Variants in MEF2A observed in about 807,000 individuals in gnomAD.
MEF2A encodes myocyte enhancer factor 2A, also known as myocyte-specific enhancer factor 2A.
Under a neutral mutation model 55.8 loss-of-function variants are expected in MEF2A, and 28 were observed. The ratio of observed to expected loss-of-function variants is 0.50; its 90% confidence interval spans 0.37 to 0.69. The LOEUF (loss-of-function observed/expected upper bound fraction) is 0.69, where lower values mean the gene tolerates loss of function less well. Ranked by LOEUF, MEF2A falls within the 30% of genes least tolerant of loss-of-function variation. The pLI, the probability that MEF2A is intolerant of heterozygous loss-of-function variation, is 0.00. For synonymous variants in MEF2A, 239 were observed against 227.1 expected (o/e 1.05, Z -0.47); for missense variants, 528 against 626.2 (o/e 0.84, Z 1.67).
At chr15:99,631,375 G>T (rs912664246) in intron 2 of MEF2A, among the ~76,000 whole-genome samples, 7 of 152,104 alleles carry the variant, frequency 4.6e-5, no homozygotes, top group African/African-American at 1.7e-4. Flanking sequence ...TGGGCCCCAC[G>T]AGTGACTAGC....
chr15:99,573,931 A>G (rs1229889027), intron 1 of MEF2A, among the ~76,000 whole-genome samples: 1 of 152,208 alleles, frequency 6.6e-6, no homozygotes, highest in East Asian at 1.9e-4. Flanking sequence ...AACCTAATTG[A>G]TGGTATGGAT....
chr15:99,709,368 A>G (rs927832688), intron 10 of MEF2A, among the ~76,000 whole-genome samples: 9 of 152,344 alleles, frequency 5.9e-5, no homozygotes, highest in Admixed American at 2.6e-4. Context: ...GCCATGTCAG[A>G]TGTGTGGCGT....
chr15:99,703,522 A>C, intron 9 of MEF2A, 137 bp downstream of exon 9: 1 of 672,910 alleles, frequency 1.5e-6, no homozygotes, highest in Non-Finnish European at 2.4e-6. Flanking sequence ...TGAATAAAGC[A>C]ATCTACTGGT....
At chr15:99,601,549 T>A (rs947025188) in intron 2 of MEF2A, among the ~76,000 whole-genome samples, 1 of 151,012 alleles carries the variant, frequency 6.6e-6, no homozygotes, top group Non-Finnish European at 1.5e-5. Flanking sequence ...GAGTAGGTGT[T>A]GAATTTTGGC....
intron 10 of MEF2A, among the ~76,000 whole-genome samples, chr15:99,710,057 G>A (rs1010206121): frequency 1.3e-5 from 2 of 152,170 alleles, no homozygotes; most frequent in African/African-American, 4.8e-5. Flanking sequence ...CCAAAGGGTA[G>A]TGGCAGGCAT....
chr15:99,681,603 G>T (rs900059953), intron 7 of MEF2A, among the ~76,000 whole-genome samples: 2 of 152,186 alleles, frequency 1.3e-5, no homozygotes, highest in African/African-American at 4.8e-5. Context: ...GCCCACATGG[G>T]ATAGAGATGG....
chr15:99,709,240 G>A (rs936167970), intron 10 of MEF2A, among the ~76,000 whole-genome samples: 1 of 152,182 alleles, frequency 6.6e-6, no homozygotes, highest in Non-Finnish European at 1.5e-5. Context: ...TGTTGGGAGT[G>A]AGAGGGAAGG....
intron 4 of MEF2A, among the ~76,000 whole-genome samples, chr15:99,663,842 T>G (rs530440390): frequency 3.3e-4 from 51 of 152,328 alleles, no homozygotes; most frequent in Admixed American, 8.5e-4. Context: ...ACCTCTTCCC[T>G]TAATCCTTTC....
chr15:99,691,438 C>T (rs1173913453), intron 8 of MEF2A, among the ~76,000 whole-genome samples: 1 of 152,140 alleles, frequency 6.6e-6, no homozygotes, highest in Non-Finnish European at 1.5e-5. Context: ...TGGCTCACAC[C>T]TGTAATCCCA....
At chr15:99,643,442 A>G (rs1391176645) in intron 3 of MEF2A, among the ~76,000 whole-genome samples, 3 of 152,184 alleles carry the variant, frequency 2.0e-5, no homozygotes, top group Admixed American at 2.0e-4. Context: ...TACTCATGTC[A>G]TAAGTGATAG....
chr15:99,694,979 T>C (rs2056187667), intron 8 of MEF2A, among the ~76,000 whole-genome samples: 1 of 31,210 alleles, frequency 3.2e-5, no homozygotes, highest in African/African-American at 5.0e-5. Context: ...CTTATTTTTG[T>C]GGGTTTTTTT....
intron 3 of MEF2A, among the ~76,000 whole-genome samples, chr15:99,643,676 C>T (rs918206401): frequency 5.3e-5 from 8 of 151,296 alleles, no homozygotes; most frequent in African/African-American, 1.9e-4. Context: ...ACTGCAAGCT[C>T]TGCCTCCAGT....
intron 4 of MEF2A, among the ~76,000 whole-genome samples, chr15:99,669,590 A>G (rs1228374360): frequency 2.6e-5 from 4 of 152,246 alleles, no homozygotes; most frequent in Admixed American, 6.5e-5. Context: ...ATGTTGGAGA[A>G]ATAGATGTTG....
chr15:99,571,261 T>TA, intron 1 of MEF2A, among the ~76,000 whole-genome samples: 1 of 152,314 alleles, frequency 6.6e-6, no homozygotes, highest in East Asian at 1.9e-4. Context: ...ACTGTGTTCT[T>TA]ATTTAGTTAC....
intron 1 of MEF2A, among the ~76,000 whole-genome samples, chr15:99,581,636 T>G (rs1201351089): frequency 6.6e-6 from 1 of 152,186 alleles, no homozygotes; most frequent in Non-Finnish European, 1.5e-5. Context: ...TGTTTCTCAC[T>G]GTTTTAGTGA....
chr15:99,593,649 A>G (rs1970127629), intron 1 of MEF2A, among the ~76,000 whole-genome samples: 1 of 152,196 alleles, frequency 6.6e-6, no homozygotes, highest in Admixed American at 6.5e-5. Flanking sequence ...TTGACACTGC[A>G]TTATGCTCAG....
chr15:99,614,399 T>G (rs2039851268), intron 2 of MEF2A, among the ~76,000 whole-genome samples: 1 of 152,188 alleles, frequency 6.6e-6, no homozygotes, highest in Non-Finnish European at 1.5e-5. Flanking sequence ...CAACAATAAC[T>G]TATAACTCCA....
intron 5 of MEF2A, 115 bp downstream of exon 5, chr15:99,671,569 C>T (rs1452466090): frequency 6.2e-7 from 1 of 1,612,440 alleles, no homozygotes; most frequent in Non-Finnish European, 8.5e-7. Flanking sequence ...GACCCTGATA[C>T]TTCATATGTG....
chr15:99,710,786 A>G, intron 11 of MEF2A, 26 bp downstream of exon 11: 2 of 1,588,404 alleles, frequency 1.3e-6, no homozygotes, highest in Non-Finnish European at 1.7e-6. Context: ...TTTTCCCTGC[A>G]TCTTTACTCC....
Sources: allele counts gnomAD v4.1 joint callset (sites outside exome capture counted in the v4.1 genomes callset), GRCh38; gene constraint gnomAD v4.1.1; transcripts MANE v1.5; gene names NCBI Gene and HGNC (gene_info 2026-07-23, HGNC 2026-07-21).